Variants in FERMT2 observed in about 807,000 individuals in gnomAD.
The protein encoded by FERMT2 is fermitin family homolog 2.
A neutral mutation model predicts 82.7 loss-of-function variants in FERMT2; 15 were observed. That is an observed-to-expected ratio of 0.18 (90% CI 0.12 to 0.28). FERMT2 has a LOEUF of 0.28. Among genes scored for constraint, FERMT2 ranks in the 10% least tolerant of loss-of-function variants. The pLI is 1.00. For missense variants in FERMT2, 645 were observed against 809.4 expected (o/e 0.80, Z 2.46); for synonymous variants, 274 against 271.5 (o/e 1.01, Z -0.09).
At position 52,921,172 on chromosome 14, in the gene FERMT2, C is replaced by T. The variant is rs557309571; in HGVS notation, c.158-1816G>A. Among the ~76,000 whole-genome samples the T allele has an allele frequency of 3.3e-5, 5 of 152,278 alleles. No homozygotes were observed. The South Asian group carries it at 8.3e-4, about 25-fold the overall frequency. On this transcript the variant is annotated intron_variant, in intron 2 of 14. Transcript: ENST00000341590. ...ATTGATTATATGGCTGAAACACCTT[C>T]TACAATGGTGAAATTTACTTGATAC...
intron 2 of FERMT2, among the ~76,000 whole-genome samples, chr14:52,925,382 ACC>A (rs1889197882): frequency 6.6e-6 from 1 of 151,872 alleles, no homozygotes; most frequent in African/African-American, 2.4e-5. Context: ...ATATGGTGAA[ACC>A]CCATCTCTAC....
At chr14:52,918,511 T>C (rs1020143009) in intron 3 of FERMT2, among the ~76,000 whole-genome samples, 1 of 152,230 alleles carries the variant, frequency 6.6e-6, no homozygotes, top group African/African-American at 2.4e-5. Flanking sequence ...AATGTATCTT[T>C]AACCAAGAAT....
intron 2 of FERMT2, 109 bp from the exon 3 acceptor site, chr14:52,919,465 C>T: frequency 1.8e-6 from 1 of 543,888 alleles, no homozygotes; most frequent in Non-Finnish European, 3.2e-6. Flanking sequence ...TAATTAACTA[C>T]TAAGTTACTG....
intron 2 of FERMT2, among the ~76,000 whole-genome samples, chr14:52,925,753 C>G (rs1286514099): frequency 6.6e-6 from 1 of 152,042 alleles, no homozygotes; most frequent in Non-Finnish European, 1.5e-5. Flanking sequence ...ATTCTCCTGC[C>G]TCAGCCTCTG....
At chr14:52,858,919 G>C (rs1356527252) in intron 14 of FERMT2, 4 of 173,026 alleles carry the variant, frequency 2.3e-5, no homozygotes, top group South Asian at 1.8e-4. Flanking sequence ...TTAAATTTTA[G>C]GTATCACGTT....
chr14:52,869,518 T>C (rs1885485644), intron 10 of FERMT2, among the ~76,000 whole-genome samples: 1 of 152,152 alleles, frequency 6.6e-6, no homozygotes, highest in Non-Finnish European at 1.5e-5. Flanking sequence ...AAGACTATAA[T>C]GGAACTGAAA....
intron 2 of FERMT2, among the ~76,000 whole-genome samples, chr14:52,940,719 T>G (rs576561782): frequency 1.3e-5 from 2 of 152,314 alleles, no homozygotes; most frequent in East Asian, 3.9e-4. Flanking sequence ...ATTGAAAAAC[T>G]GACTTAGCCA....
intron 3 of FERMT2, among the ~76,000 whole-genome samples, chr14:52,907,445 C>A (rs1422247108): frequency 6.6e-6 from 1 of 152,058 alleles, no homozygotes; most frequent in African/African-American, 2.4e-5. Flanking sequence ...TTATAAAGAG[C>A]ACTGAAAAAT....
intron 2 of FERMT2, among the ~76,000 whole-genome samples, chr14:52,925,883 A>T (rs1231185089): frequency 6.6e-6 from 1 of 152,112 alleles, no homozygotes; most frequent in Non-Finnish European, 1.5e-5. Context: ...ACCTCAAGTG[A>T]TCCAACCCCC....
chr14:52,870,640 T>C (rs1885562275), intron 10 of FERMT2, among the ~76,000 whole-genome samples: 1 of 152,240 alleles, frequency 6.6e-6, no homozygotes, highest in Non-Finnish European at 1.5e-5. Context: ...AGTAAAATGC[T>C]GTACAGGTTT....
At chr14:52,939,989 C>G (rs1201216878) in intron 2 of FERMT2, among the ~76,000 whole-genome samples, 2 of 152,132 alleles carry the variant, frequency 1.3e-5, no homozygotes, top group Admixed American at 1.3e-4. Context: ...AAAAAGATAT[C>G]AAAAACATCA....
intron 12 of FERMT2, chr14:52,861,363 C>A: frequency 3.5e-6 from 1 of 286,870 alleles, no homozygotes; most frequent in Non-Finnish European, 6.4e-6. Context: ...CCCCCTACAT[C>A]GTGTACCCAG....
chr14:52,934,674 T>C (rs1889754339), intron 2 of FERMT2, among the ~76,000 whole-genome samples: 1 of 152,262 alleles, frequency 6.6e-6, no homozygotes, highest in Non-Finnish European at 1.5e-5. Flanking sequence ...TGTATATCTA[T>C]AGTCTTTCAA....
rs146761356 is a variant in FERMT2, at chr14:52,924,321, C to G, written c.158-4965G>C. 1.6e-3 allele frequency among the ~76,000 whole-genome samples: 237 copies of G among 152,306 alleles called. 1 individual carries two copies. The highest frequency in any genetic ancestry group is 2.7e-3 in the Non-Finnish European group (182 of 68,030). ...GATAAGGCCCTAGAGCAGTAGTTTT[C>G]TGCCTGATTGGCATTAGAATCATCT... On this transcript the variant is annotated intron_variant, in intron 2 of 14. Coordinates refer to ENST00000341590, the MANE Select transcript of FERMT2 (RefSeq NM_006832.3).
At chr14:52,892,666 C>T (rs144877150) in intron 4 of FERMT2, among the ~76,000 whole-genome samples, 2 of 151,324 alleles carry the variant, frequency 1.3e-5, no homozygotes. Context: ...ACTGTGTTAG[C>T]CAGGATGGTC....
At chr14:52,905,424 A>G (rs190688302) in intron 3 of FERMT2, among the ~76,000 whole-genome samples, 27 of 152,298 alleles carry the variant, frequency 1.8e-4, no homozygotes, top group African/African-American at 6.5e-4. Context: ...TGCTTTGATT[A>G]AAAAATAATT....
intron 12 of FERMT2, chr14:52,862,833 A>T (rs1248468792): frequency 6.6e-6 from 1 of 152,214 alleles, no homozygotes; most frequent in Non-Finnish European, 1.5e-5. Flanking sequence ...GTTAAAGATA[A>T]ATCTTCAGTT....
chr14:52,948,948 T>A (rs895875458), intron 2 of FERMT2, among the ~76,000 whole-genome samples: 3 of 152,218 alleles, frequency 2.0e-5, no homozygotes, highest in African/African-American at 4.8e-5. Flanking sequence ...TTTTCCTTCT[T>A]AAATAATCTC....
intron 2 of FERMT2, among the ~76,000 whole-genome samples, chr14:52,929,006 G>A (rs924729344): frequency 2.6e-5 from 4 of 151,832 alleles, no homozygotes; most frequent in African/African-American, 9.7e-5. Context: ...ACTTATTTTC[G>A]TCACTGGTGT....
Sources: gnomAD v4.1 joint callset for allele counts (sites outside exome capture counted in the v4.1 genomes callset) on GRCh38, gnomAD v4.1.1 for gene constraint, MANE v1.5 for transcripts, NCBI Gene and HGNC (gene_info 2026-07-23, HGNC 2026-07-21) for gene names.